CCDC171: variants seen among roughly 807,000 people sequenced by gnomAD.
CCDC171 encodes coiled-coil domain-containing protein 171.
Under a neutral mutation model 168.2 loss-of-function variants are expected in CCDC171, and 177 were observed. That is an observed-to-expected ratio of 1.05 (90% CI 0.93 to 1.19). CCDC171 has a LOEUF of 1.19. CCDC171 is among the 50% of genes most tolerant of loss of function. The pLI, the probability that CCDC171 is intolerant of heterozygous loss-of-function variation, is 0.00. For synonymous variants in CCDC171, 687 were observed against 540.8 expected (o/e 1.27, Z -3.75); for missense variants, 1,991 against 1,539.0 (o/e 1.29, Z -4.91).
At chr9:15,721,123 A>C (rs1304610812) in intron 11 of CCDC171, among the ~76,000 whole-genome samples, 1 of 152,184 alleles carries the variant, frequency 6.6e-6, no homozygotes, top group African/African-American at 2.4e-5. Context: ...TCATATTTTT[A>C]CCATGAGTAT....
intron 25 of CCDC171, among the ~76,000 whole-genome samples, chr9:15,940,910 A>T (rs1156552805): frequency 6.6e-6 from 1 of 151,974 alleles, no homozygotes; most frequent in African/African-American, 2.4e-5. Flanking sequence ...TGCCCTGCCA[A>T]CATTAGCTAT....
intron 23 of CCDC171, among the ~76,000 whole-genome samples, chr9:15,873,420 G>T (rs1388366929): frequency 6.6e-6 from 1 of 152,072 alleles, no homozygotes; most frequent in African/African-American, 2.4e-5. Context: ...AGCAGTTAAT[G>T]CAATTTTTAT....
intron 13 of CCDC171, 81 bp from the exon 14 acceptor site, chr9:15,724,695 C>A: frequency 3.8e-6 from 3 of 799,946 alleles, no homozygotes; most frequent in South Asian, 1.8e-5. Flanking sequence ...TGAAAATGTT[C>A]AATATGTGTT....
intron 9 of CCDC171, among the ~76,000 whole-genome samples, chr9:15,677,855 G>GTA (rs201308668): frequency 0.48 from 31,674 of 66,170 alleles, 8,397 homozygotes; most frequent in East Asian, 0.77. Context: ...GTGTGTGTAT[G>GTA]TATATATATA....
chr9:15,573,723 T>A (rs1299753268), intron 3 of CCDC171, among the ~76,000 whole-genome samples: 1 of 152,230 alleles, frequency 6.6e-6, no homozygotes, highest in Non-Finnish European at 1.5e-5. Flanking sequence ...ATGCACATTT[T>A]ACTTGAGAGT....
intron 9 of CCDC171, among the ~76,000 whole-genome samples, chr9:15,668,453 G>C (rs2048883515): frequency 6.6e-6 from 1 of 152,050 alleles, no homozygotes; most frequent in Admixed American, 6.6e-5. Context: ...CTAAACATTA[G>C]TTACATATTC....
intron 7 of CCDC171, among the ~76,000 whole-genome samples, chr9:15,645,874 TC>T (rs527480385): frequency 1.3e-5 from 2 of 152,118 alleles, no homozygotes; most frequent in African/African-American, 4.8e-5. Context: ...AGGCCAACAT[TC>T]AAATTCAGGA....
intron 9 of CCDC171, among the ~76,000 whole-genome samples, chr9:15,668,429 A>T (rs79185044): frequency 0.02 from 3,019 of 152,278 alleles, 105 homozygotes; most frequent in African/African-American, 0.07. Context: ...TCCAGTAAGC[A>T]CCAACTGACA....
intron 7 of CCDC171, among the ~76,000 whole-genome samples, chr9:15,631,880 A>C (rs2045740064): frequency 6.6e-6 from 1 of 152,212 alleles, no homozygotes; most frequent in South Asian, 2.1e-4. Flanking sequence ...GCAAATCAAT[A>C]AATGTAATCC....
chr9:16,076,629 C>T, the CCDC171 span, among the ~76,000 whole-genome samples: 1 of 152,206 alleles, frequency 6.6e-6, no homozygotes, highest in Non-Finnish European at 1.5e-5. Flanking sequence ...AGCACATCTT[C>T]GTGCTGGGTT....
intron 11 of CCDC171, among the ~76,000 whole-genome samples, chr9:15,700,034 C>A (rs998349961): frequency 6.6e-6 from 1 of 152,216 alleles, no homozygotes; most frequent in South Asian, 2.1e-4. Flanking sequence ...AGTCCCGTGC[C>A]GTGTGACCGC....
chr9:15,673,250 G>T (rs1196272249), intron 9 of CCDC171, among the ~76,000 whole-genome samples: 1 of 152,144 alleles, frequency 6.6e-6, no homozygotes, highest in East Asian at 1.9e-4. Context: ...GGAGATTTTG[G>T]GCTGAGATGA....
chr9:15,787,709 C>A (rs1260125135), intron 21 of CCDC171, among the ~76,000 whole-genome samples: 1 of 152,206 alleles, frequency 6.6e-6, no homozygotes, highest in African/African-American at 2.4e-5. Context: ...AATTGGCCTA[C>A]AGCAAGTTTC....
intron 2 of CCDC171, among the ~76,000 whole-genome samples, chr9:15,569,838 C>CAAAAAAA (rs373129900): frequency 3.1e-5 from 2 of 63,504 alleles, no homozygotes; most frequent in African/African-American, 9.0e-5. Flanking sequence ...AAACAAAAAA[C>CAAAAAAA]AAACAAACAA....
intron 21 of CCDC171, among the ~76,000 whole-genome samples, chr9:15,814,758 G>T (rs7470881): frequency 2.6e-5 from 4 of 151,446 alleles, no homozygotes; most frequent in Non-Finnish European, 4.4e-5. Flanking sequence ...TAAAATTACA[G>T]ATCTACTGAT....
chr9:15,679,097 G>T (rs961919381), intron 10 of CCDC171, among the ~76,000 whole-genome samples: 3 of 151,738 alleles, frequency 2.0e-5, no homozygotes, highest in African/African-American at 7.3e-5. Flanking sequence ...GGAATAATTG[G>T]GGGAAACTAA....
intron 21 of CCDC171, among the ~76,000 whole-genome samples, chr9:15,786,533 AC>A (rs1032437237): frequency 1.3e-5 from 2 of 152,070 alleles, no homozygotes; most frequent in Non-Finnish European, 2.9e-5. Context: ...TTTTTTACTT[AC>A]TTCAAACACC....
chr9:15,591,310 G>T (rs1292808388), intron 4 of CCDC171, 56 bp from the exon 5 acceptor site: 3 of 1,103,102 alleles, frequency 2.7e-6, no homozygotes, highest in Non-Finnish European at 4.0e-6. Context: ...AGGTTTTGGG[G>T]CTCCTTGTTA....
intron 10 of CCDC171, among the ~76,000 whole-genome samples, chr9:15,686,000 C>T (rs977950594): frequency 6.6e-6 from 1 of 152,056 alleles, no homozygotes; most frequent in South Asian, 2.1e-4. Context: ...ACTATTCAAT[C>T]TTTTCTGCCT....
Sources: gnomAD v4.1 joint callset for allele counts (sites outside exome capture counted in the v4.1 genomes callset) on GRCh38, gnomAD v4.1.1 for gene constraint, MANE v1.5 for transcripts, NCBI Gene and HGNC (gene_info 2026-07-23, HGNC 2026-07-21) for gene names.